The following RICTOR variants were observed in gnomAD, a reference collection of about 807,000 sequenced individuals.
RICTOR encodes the protein RPTOR independent companion of MTOR complex 2.
RICTOR carries 49 observed loss-of-function variants against 214.9 expected under a neutral mutation model. That is an observed-to-expected ratio of 0.23 (90% CI 0.18 to 0.29). RICTOR has a LOEUF of 0.29. Ranked by LOEUF, RICTOR falls within the 10% of genes least tolerant of loss-of-function variation. RICTOR has a pLI of 1.00. For missense variants in RICTOR, 1,625 were observed against 2,047.0 expected, an observed-to-expected ratio of 0.79 and a Z score of 3.98; for synonymous variants, 717 against 711.3, an observed-to-expected ratio of 1.01 and a Z score of -0.13.
intron 33 of RICTOR, 31 bp downstream of exon 33, chr5:38,946,437 C>T (rs1370317114): frequency 1.5e-6 from 2 of 1,326,164 alleles, no homozygotes; most frequent in Non-Finnish European, 2.2e-6. Context: ...TATAAAGAGG[C>T]ATCTCACAAG....
Position 38,959,767 on chromosome 5 carries a change from G to A in RICTOR, c.2051+12C>T, listed in dbSNP as rs1749621022. 2 of 1,583,810 alleles carry A rather than the reference G, an allele frequency of 1.3e-6. No individual in the cohort carries two copies. The highest frequency in any genetic ancestry group is 1.7e-6 in the Non-Finnish European group (2 of 1,152,766). ...TCATGTATATATTGCAACAAAATCT[G>A]GGAATGCTCACCACTGAAATACACT... On this transcript the variant is annotated intron_variant, in intron 21 of 37. Coordinates refer to ENST00000357387, the MANE Select transcript of RICTOR (RefSeq NM_152756.5).
chr5:39,060,693 GCTAAAATATACATTTCGGAT>G (rs1758483512), intron 2 of RICTOR, among the ~76,000 whole-genome samples: 1 of 151,996 alleles, frequency 6.6e-6, no homozygotes, highest in African/African-American at 2.4e-5. Flanking sequence ...TATAGAAATG[GCTAAAATATACATTTCGGAT>G]CTCAGTTAAT....
intron 2 of RICTOR, among the ~76,000 whole-genome samples, chr5:39,023,566 T>C (rs1054366426): frequency 3.9e-5 from 6 of 152,252 alleles, no homozygotes; most frequent in African/African-American, 1.2e-4. Context: ...CACCATCCTA[T>C]TTGTTTTAAA....
intron 2 of RICTOR, among the ~76,000 whole-genome samples, chr5:39,043,583 A>C (rs1757306655): frequency 1.3e-5 from 2 of 152,202 alleles, no homozygotes; most frequent in Admixed American, 1.3e-4. Flanking sequence ...TGTATTGTAT[A>C]TTTCAAAATA....
At chr5:38,990,525 C>CGATATATACAT (rs1554067775) in intron 7 of RICTOR, among the ~76,000 whole-genome samples, 5 of 145,782 alleles carry the variant, frequency 3.4e-5, no homozygotes, top group Non-Finnish European at 7.5e-5. Flanking sequence ...GATATATATA[C>CGATATATACAT]GATATATATA....
At chr5:38,991,989 G>A (rs1215677924) in intron 6 of RICTOR, among the ~76,000 whole-genome samples, 5 of 152,064 alleles carry the variant, frequency 3.3e-5, no homozygotes, top group African/African-American at 1.2e-4. Flanking sequence ...TAAAACTTGT[G>A]AGATGAAACA....
chr5:39,038,170 C>A (rs1457288996), intron 2 of RICTOR, among the ~76,000 whole-genome samples: 1 of 152,114 alleles, frequency 6.6e-6, no homozygotes, highest in Non-Finnish European at 1.5e-5. Context: ...TCAACATATG[C>A]AAATCAATAA....
rs746416768 is a variant in RICTOR, at chr5:38,943,014, T to C, written c.4914-43A>G. The C allele has an allele frequency of 3.4e-6, 5 of 1,454,428 alleles. No homozygotes were observed. In the East Asian group the frequency reaches 6.8e-5, roughly 20 times the overall value. 90.1% of individuals were successfully genotyped at this position (1,454,428 alleles called of 1,614,324 possible). ...GGTGTGATGAAAACTGTAATCATGA[T>C]GTATCTATTTTTCCTCCAAGGTATC... On this transcript the variant is annotated intron_variant, in intron 36 of 37. Transcript: ENST00000357387.
chr5:38,975,443 CA>C, intron 10 of RICTOR, 93 bp downstream of exon 10: 1 of 812,782 alleles, frequency 1.2e-6, no homozygotes. Flanking sequence ...ACTAGATTAG[CA>C]TCTGAATTAG....
At chr5:38,981,776 G>A in intron 8 of RICTOR, 91 bp downstream of exon 8, 1 of 796,936 alleles carries the variant, frequency 1.3e-6, no homozygotes, top group Non-Finnish European at 2.0e-6. Context: ...TAATTAATGT[G>A]GTGCTGCATC....
chr5:38,978,335 C>G (rs2150054287), intron 9 of RICTOR, among the ~76,000 whole-genome samples: 1 of 152,102 alleles, frequency 6.6e-6, no homozygotes, highest in East Asian at 1.9e-4. Flanking sequence ...ATTACAAAAA[C>G]AATGACCTTG....
At position 39,060,927 on chromosome 5, in the gene RICTOR, G is replaced by C. The variant is rs1405058418; in HGVS notation, c.97+13184C>G. ...ATAATACCTATATGATCTTGGGCTA[G>C]TTAGGCATCGCCCCATTTTCCTCAT... On this transcript the variant is annotated intron_variant, in intron 2 of 37. Transcript: ENST00000357387. 2.0e-5 allele frequency among the ~76,000 whole-genome samples: 3 copies of C among 151,960 alleles called. No homozygotes were observed. In the East Asian group the frequency reaches 5.8e-4, roughly 29 times the overall value.
intron 5 of RICTOR, among the ~76,000 whole-genome samples, chr5:38,997,465 T>C (rs1753261575): frequency 6.6e-6 from 1 of 152,188 alleles, no homozygotes; most frequent in African/African-American, 2.4e-5. Flanking sequence ...AATTTTTATT[T>C]AGACAGTTCA....
chr5:39,005,402 G>C (rs1181407706), intron 3 of RICTOR, among the ~76,000 whole-genome samples: 1 of 147,122 alleles, frequency 6.8e-6, no homozygotes, highest in African/African-American at 2.5e-5. Flanking sequence ...TCTATAACCT[G>C]TTTTCTGATG....
chr5:38,983,609 T>C (rs1323299219), intron 7 of RICTOR, among the ~76,000 whole-genome samples: 1 of 152,240 alleles, frequency 6.6e-6, no homozygotes, highest in East Asian at 1.9e-4. Context: ...TAATTATCTA[T>C]GTATCTAGGC....
chr5:39,036,340 G>C (rs1175099995), intron 2 of RICTOR, among the ~76,000 whole-genome samples: 3 of 151,968 alleles, frequency 2.0e-5, no homozygotes, highest in South Asian at 2.1e-4. Flanking sequence ...AAGGAACAAC[G>C]GGTACCAGCC....
chr5:38,952,658 C>G (rs1356446391), intron 29 of RICTOR, among the ~76,000 whole-genome samples: 1 of 151,738 alleles, frequency 6.6e-6, no homozygotes, highest in Non-Finnish European at 1.5e-5. Flanking sequence ...AAAAAGAACA[C>G]AATGCAACAT....
Position 38,958,502 on chromosome 5 carries a change from G to A in RICTOR, c.2361C>T (p.Leu787=). 1.2e-6 allele frequency: 2 copies of A among 1,612,112 alleles called. No individual in the cohort carries two copies. Among genetic ancestry groups the A allele is most frequent in the South Asian group, 1.1e-5 (1 of 91,000 alleles). ...GGGATAACGCTGGTTTCATCTGAAT[G>A]AGAGCATGAAGATTGGCCTAAAAGA... ...ACEDKANLHA[L]IQMKPALSHL... Residue 787 remains leucine (L), a synonymous_variant, in exon 24 of 38, where the codon CTC becomes CTT. Coordinates refer to ENST00000357387, the MANE Select transcript of RICTOR (RefSeq NM_152756.5).
chr5:38,995,462 C>G (rs1488610076), intron 6 of RICTOR, among the ~76,000 whole-genome samples: 1 of 151,968 alleles, frequency 6.6e-6, no homozygotes, highest in Non-Finnish European at 1.5e-5. Flanking sequence ...ATACGGGGTA[C>G]AGTGTACACT....
Sources: allele counts gnomAD v4.1 joint callset (sites outside exome capture counted in the v4.1 genomes callset), GRCh38; gene constraint gnomAD v4.1.1; transcripts MANE v1.5; gene names NCBI Gene and HGNC (gene_info 2026-07-23, HGNC 2026-07-21).